ZSCAN25: variants seen among roughly 807,000 people sequenced by gnomAD.
ZSCAN25 encodes the protein zinc finger and SCAN domain-containing protein 25.
ZSCAN25 carries 27 observed loss-of-function variants against 38.7 expected under a neutral mutation model. The ratio of observed to expected loss-of-function variants is 0.70; its 90% CI spans 0.51 to 0.96. ZSCAN25 has a LOEUF of 0.96. Among genes scored for constraint, ZSCAN25 ranks in the 40% least tolerant of loss-of-function variants. The pLI is 0.00. For missense variants in ZSCAN25, 637 were observed against 705.9 expected, an observed-to-expected ratio of 0.90 and a Z score of 1.11; for synonymous variants, 273 against 277.7, an observed-to-expected ratio of 0.98 and a Z score of 0.17.
chr7:99,674,586 C>T, the ZSCAN25 span: 1 of 1,612,780 alleles, frequency 6.2e-7, no homozygotes, highest in Non-Finnish European at 8.5e-7. Context: ...TCCAGAGACC[C>T]TGGGAGAGGA....
chr7:99,662,902 T>C, the ZSCAN25 span: 4 of 1,613,288 alleles, frequency 2.5e-6, no homozygotes, highest in Non-Finnish European at 3.4e-6. The surrounding 1 kb of genome is among the most constrained non-coding windows in gnomAD (Gnocchi z 4.3). Context: ...AAAGGAGAGA[T>C]TTCTTTGGCA....
At chr7:99,737,083 A>C in the ZSCAN25 span, among the ~76,000 whole-genome samples, 1 of 152,180 alleles carries the variant, frequency 6.6e-6, no homozygotes, top group Admixed American at 6.5e-5. Flanking sequence ...GTAGGATAAA[A>C]GTCCAGGGAA....
chr7:99,636,394 T>G (rs1296578266), downstream of ZSCAN25, among the ~76,000 whole-genome samples: 2 of 152,246 alleles, frequency 1.3e-5, no homozygotes, highest in Non-Finnish European at 2.9e-5. Context: ...AATAACCTTT[T>G]GCATCTGCTT....
chr7:99,700,540 T>C, the ZSCAN25 span, among the ~76,000 whole-genome samples: 2 of 152,108 alleles, frequency 1.3e-5, no homozygotes, highest in Non-Finnish European at 2.9e-5. Flanking sequence ...TCTGTTAAAG[T>C]CTTTCCTTAC....
the ZSCAN25 span, among the ~76,000 whole-genome samples, chr7:99,675,137 G>A: frequency 6.6e-6 from 1 of 152,244 alleles, no homozygotes; most frequent in Non-Finnish European, 1.5e-5. Context: ...GTGAGTGAAT[G>A]AGAAAGTAGA....
chr7:99,698,017 A>G, the ZSCAN25 span, among the ~76,000 whole-genome samples: 3 of 152,202 alleles, frequency 2.0e-5, no homozygotes, highest in Non-Finnish European at 1.5e-5. Flanking sequence ...CTAGACTCAC[A>G]TGGTTCCATG....
chr7:99,630,323 G>A lies in ZSCAN25; in HGVS notation c.*303G>A, dbSNP rs916561536. 49 of 1,169,934 alleles carry A rather than the reference G, an allele frequency of 4.2e-5. No homozygotes were observed. The highest frequency in any genetic ancestry group is 4.2e-5 in the Admixed American group (1 of 23,770). The allele number at this position is 1,169,934 out of a possible 1,614,324, so 72.5% of individuals were successfully genotyped here. ...TGTGTCCCCCTGCCGAACAAAGCTG[G>A]GAGTAAAGGCAAAACCTTGACACGT... On this transcript the variant is annotated 3_prime_UTR_variant, in exon 8 of 8. Coordinates refer to ENST00000394152, the MANE Select transcript of ZSCAN25 (RefSeq NM_145115.3).
intron 7 of ZSCAN25, among the ~76,000 whole-genome samples, chr7:99,627,909 A>G (rs1584364732): frequency 6.6e-6 from 1 of 151,954 alleles, no homozygotes; most frequent in Non-Finnish European, 1.5e-5. Flanking sequence ...GGGACTGGTT[A>G]TGTTCTGTTT....
At chr7:99,700,516 CCAGA>C in the ZSCAN25 span, among the ~76,000 whole-genome samples, 2 of 152,116 alleles carry the variant, frequency 1.3e-5, no homozygotes, top group Admixed American at 6.5e-5. Flanking sequence ...GCACGCCCAG[CCAGA>C]CAGACCCCTT....
chr7:99,731,133 C>T, the ZSCAN25 span: 1 of 1,613,800 alleles, frequency 6.2e-7, no homozygotes, highest in Non-Finnish European at 8.5e-7. Context: ...TTAAAAAGTC[C>T]ATGTGTACGG....
chr7:99,715,075 A>G, the ZSCAN25 span, among the ~76,000 whole-genome samples: 1 of 152,226 alleles, frequency 6.6e-6, no homozygotes, highest in African/African-American at 2.4e-5. Context: ...TCTGTCACCT[A>G]TCATAGGATA....
At chr7:99,710,642 T>C in the ZSCAN25 span, 1 of 1,600,938 alleles carries the variant, frequency 6.2e-7, no homozygotes, top group Non-Finnish European at 8.5e-7. Context: ...ATGATTATGC[T>C]TTTTATAAAA....
the ZSCAN25 span, among the ~76,000 whole-genome samples, chr7:99,643,387 G>A: frequency 6.6e-6 from 1 of 152,078 alleles, no homozygotes; most frequent in Non-Finnish European, 1.5e-5. Context: ...CATAGAGCAA[G>A]GTTAGGTGAA....
In ZSCAN25 at chr7:99,629,689, A is replaced by G; in HGVS notation, c.1304A>G (p.Asp435Gly). 6.2e-7 allele frequency: 1 copy of G among 1,613,938 alleles called. No homozygotes were observed. Among genetic ancestry groups the G allele is most frequent in the East Asian group, 2.2e-5 (1 of 44,870 alleles). The part of the protein sequence containing the change: ...HTGEKPYKCG[D>G]CWKSFSRRQH... The stretch of plus-strand genomic sequence containing the variant: ...GGGGAGAAGCCCTACAAGTGCGGGG[A>G]CTGCTGGAAGAGCTTCAGCCGCAGG... Residue 435 changes from aspartate (D) to glycine (G), a missense_variant, in exon 8 of 8, where the codon GAC becomes GGC. Coordinates refer to ENST00000394152, the MANE Select transcript of ZSCAN25 (RefSeq NM_145115.3). The surrounding 1 kb of genome is among the most constrained non-coding windows in gnomAD (Gnocchi z 5.6).
intron 5 of ZSCAN25, chr7:99,622,348 C>G: frequency 1.6e-6 from 1 of 611,238 alleles, no homozygotes; most frequent in East Asian, 2.9e-5. Flanking sequence ...AGGAGACACC[C>G]AGGCCCCAGC....
chr7:99,708,728 G>A, the ZSCAN25 span, among the ~76,000 whole-genome samples: 1 of 152,032 alleles, frequency 6.6e-6, no homozygotes, highest in African/African-American at 2.4e-5. Context: ...TCATTTGTGG[G>A]ACATAATAAT....
the ZSCAN25 span, among the ~76,000 whole-genome samples, chr7:99,718,265 A>G: frequency 6.6e-6 from 1 of 152,214 alleles, no homozygotes; most frequent in African/African-American, 2.4e-5. Flanking sequence ...TAAAAAAAGT[A>G]TAATAAAAAA....
At chr7:99,702,495 G>A in the ZSCAN25 span, among the ~76,000 whole-genome samples, 1 of 152,168 alleles carries the variant, frequency 6.6e-6, no homozygotes, top group African/African-American at 2.4e-5. Context: ...CCCAGCACCA[G>A]AGGAGACCGT....
At chr7:99,625,512 CGGTTGACACAGT>C (rs1807393722) in intron 7 of ZSCAN25, among the ~76,000 whole-genome samples, 2 of 152,116 alleles carry the variant, frequency 1.3e-5, no homozygotes, top group Admixed American at 1.3e-4. Flanking sequence ...GTCCAGGGCA[CGGTTGACACAGT>C]GTGGCAGTGA....
Sources: allele counts gnomAD v4.1 joint callset (sites outside exome capture counted in the v4.1 genomes callset), GRCh38; gene constraint gnomAD v4.1.1; non-coding constraint Gnocchi (gnomAD v3.1); transcripts MANE v1.5; gene names NCBI Gene and HGNC (gene_info 2026-07-23, HGNC 2026-07-21).